The following CPA6 variants were observed in gnomAD, a reference collection of about 807,000 sequenced individuals.
CPA6 encodes carboxypeptidase B.
In CPA6, 58 loss-of-function variants were observed where a neutral mutation model predicts 63.3. The observed-to-expected ratio is 0.92, with a 90% CI of 0.74 to 1.14. The LOEUF (loss-of-function observed/expected upper bound fraction) is 1.14, where lower values mean the gene tolerates loss of function less well. Ranked by LOEUF, CPA6 falls within the 50% of genes most tolerant of loss-of-function variation. The probability of loss-of-function intolerance (pLI) is 0.00; values close to 1 mark genes in which losing one functional copy is unlikely to be tolerated. For synonymous variants in CPA6, 185 were observed against 179.0 expected (o/e 1.03, Z -0.27); for missense variants, 565 against 526.6 (o/e 1.07, Z -0.71).
At chr8:67,723,773 T>C (rs1291749892) in intron 1 of CPA6, among the ~76,000 whole-genome samples, 2 of 152,130 alleles carry the variant, frequency 1.3e-5, no homozygotes, top group African/African-American at 4.8e-5. Flanking sequence ...CATATAAAGA[T>C]CTAAATGTAA....
intron 8 of CPA6, among the ~76,000 whole-genome samples, chr8:67,470,466 CTG>C (rs1811033366): frequency 6.6e-6 from 1 of 152,038 alleles, no homozygotes; most frequent in Non-Finnish European, 1.5e-5. Flanking sequence ...AAATGTTACA[CTG>C]TTTTATTTTA....
chr8:67,637,161 T>C (rs1815486540), intron 1 of CPA6, among the ~76,000 whole-genome samples: 1 of 151,696 alleles, frequency 6.6e-6, no homozygotes, highest in East Asian at 1.9e-4. Flanking sequence ...AAACACATAG[T>C]CTTCAGAAAC....
Position 67,528,850 on chromosome 8 carries a change from T to C in CPA6, c.193-10803A>G, listed in dbSNP as rs563153798. Among the ~76,000 whole-genome samples, 32 of 152,096 alleles carry C rather than the reference T, an allele frequency of 2.1e-4. No homozygotes were observed. The East Asian group carries it at 6.3e-3, about 30-fold the overall frequency. Reference sequence around the variant, plus strand: ...TATTATTCTTTCCTAATAAAGTCACTTTTCTGCCTGATCTTTAAGATATGT... The same window carrying C: ...TATTATTCTTTCCTAATAAAGTCACCTTTCTGCCTGATCTTTAAGATATGT... On this transcript the variant is annotated intron_variant, in intron 2 of 10. Transcript: ENST00000297770.
chr8:67,595,616 A>G (rs928668708), intron 2 of CPA6, among the ~76,000 whole-genome samples: 4 of 152,098 alleles, frequency 2.6e-5, no homozygotes, highest in African/African-American at 9.7e-5. Flanking sequence ...CCTTGCTGCC[A>G]CCTTGCAGTT....
At chr8:67,606,408 T>C (rs916431364) in intron 2 of CPA6, among the ~76,000 whole-genome samples, 3 of 152,114 alleles carry the variant, frequency 2.0e-5, no homozygotes, top group Non-Finnish European at 2.9e-5. Context: ...GCTCTTTTAC[T>C]CACTATATAT....
intron 8 of CPA6, among the ~76,000 whole-genome samples, chr8:67,440,582 T>C (rs1368498129): frequency 6.6e-6 from 1 of 151,752 alleles, no homozygotes; most frequent in Non-Finnish European, 1.5e-5. Flanking sequence ...AAAAAAATAA[T>C]AAAAAATAAC....
chr8:67,587,191 G>C (rs555852103), intron 2 of CPA6, among the ~76,000 whole-genome samples: 3 of 152,128 alleles, frequency 2.0e-5, no homozygotes, highest in African/African-American at 7.2e-5. Context: ...GAGGCTTGTA[G>C]AAGGGTAAAT....
chr8:67,507,036 G>A (rs987491451), intron 5 of CPA6, 148 bp from the exon 6 acceptor site: 1 of 556,124 alleles, frequency 1.8e-6, no homozygotes, highest in Non-Finnish European at 3.3e-6. Context: ...TATCTATCTC[G>A]AAAGTCCAGG....
intron 2 of CPA6, among the ~76,000 whole-genome samples, chr8:67,538,015 T>C (rs1812622756): frequency 6.6e-6 from 1 of 152,238 alleles, no homozygotes; most frequent in South Asian, 2.1e-4. Flanking sequence ...TTCTTAATCC[T>C]GAGTTCTAAT....
chr8:67,445,560 T>C (rs1040269668), intron 8 of CPA6, among the ~76,000 whole-genome samples: 10 of 152,196 alleles, frequency 6.6e-5, no homozygotes, highest in African/African-American at 2.4e-4. Flanking sequence ...AATTAAACTA[T>C]AATTAAAATA....
At chr8:67,654,829 C>T (rs948978472) in intron 1 of CPA6, among the ~76,000 whole-genome samples, 3 of 152,104 alleles carry the variant, frequency 2.0e-5, no homozygotes, top group South Asian at 2.1e-4. Flanking sequence ...TCTACACTGC[C>T]CCAGGCCTCA....
chr8:67,567,060 CA>C (rs1257459527), intron 2 of CPA6, among the ~76,000 whole-genome samples: 1 of 152,156 alleles, frequency 6.6e-6, no homozygotes, highest in Non-Finnish European at 1.5e-5. Flanking sequence ...GGCACTTGGA[CA>C]GACTGAAAGA....
In CPA6 at chr8:67,713,097, GTGTATATATATATATA is replaced by G. The variant is rs1301441723; in HGVS notation, c.116+32901_116+32916del. Among the ~76,000 whole-genome samples the G allele has an allele frequency of 6.1e-4, 37 of 60,246 alleles. No homozygotes were observed. In the East Asian group the frequency reaches 0.018, roughly 29 times the overall value. The allele number at this position is 60,246 out of a possible 152,430, so 39.5% of individuals were successfully genotyped here. ...TCTGTGTGTGTATGTGTGTGTGTGT[GTGTATATATATATATA>G]TATATATATATATATATATATATAT... On this transcript the variant is annotated intron_variant, in intron 1 of 10. Transcript: ENST00000297770.
intron 6 of CPA6, among the ~76,000 whole-genome samples, chr8:67,499,155 A>G (rs941769815): frequency 6.6e-6 from 1 of 152,160 alleles, no homozygotes; most frequent in African/African-American, 2.4e-5. Context: ...AGATCACTCT[A>G]CTAAATTGGA....
chr8:67,531,905 A>G (rs1221199587), intron 2 of CPA6, among the ~76,000 whole-genome samples: 3 of 145,230 alleles, frequency 2.1e-5, no homozygotes, highest in African/African-American at 5.7e-5. Flanking sequence ...TGACAAAACT[A>G]TCTATATTTA....
intron 1 of CPA6, among the ~76,000 whole-genome samples, 178 bp from the exon 2 acceptor site, chr8:67,624,429 T>C (rs1815152946): frequency 6.6e-6 from 1 of 152,246 alleles, no homozygotes; most frequent in South Asian, 2.1e-4. Flanking sequence ...CTTTTCTTCT[T>C]GTCTTAAAGC....
At chr8:67,610,100 C>G (rs1407959174) in intron 2 of CPA6, among the ~76,000 whole-genome samples, 1 of 152,178 alleles carries the variant, frequency 6.6e-6, no homozygotes, top group Non-Finnish European at 1.5e-5. Flanking sequence ...TTAGGCCAGT[C>G]ACAGTGGCTC....
At chr8:67,511,514 C>T in intron 4 of CPA6, 27 bp downstream of exon 4, 1 of 1,313,156 alleles carries the variant, frequency 7.6e-7, no homozygotes, top group Non-Finnish European at 1.1e-6. Context: ...CTGTGAAAAA[C>T]CAGAAAAAGC....
intron 1 of CPA6, among the ~76,000 whole-genome samples, chr8:67,643,527 G>A (rs1051883694): frequency 6.7e-6 from 1 of 149,470 alleles, no homozygotes; most frequent in Admixed American, 6.7e-5. Context: ...AGATTTTAGG[G>A]ATACAAGTAT....
Sources: gnomAD v4.1 joint callset for allele counts (sites outside exome capture counted in the v4.1 genomes callset) on GRCh38, gnomAD v4.1.1 for gene constraint, MANE v1.5 for transcripts, NCBI Gene and HGNC (gene_info 2026-07-23, HGNC 2026-07-21) for gene names.